The following PTK2 variants were observed in gnomAD, a reference collection of about 807,000 sequenced individuals.
The protein encoded by PTK2 is focal adhesion kinase 1.
A neutral mutation model predicts 150.1 loss-of-function variants in PTK2; 45 were observed. The observed-to-expected ratio is 0.30, with a 90% CI of 0.24 to 0.38. The LOEUF (loss-of-function observed/expected upper bound fraction) is 0.38, where lower values mean the gene tolerates loss of function less well. PTK2 is among the 10% of genes least tolerant of loss of function. The pLI, the probability that PTK2 is intolerant of heterozygous loss-of-function variation, is 1.00. For synonymous variants in PTK2, 432 were observed against 449.2 expected (o/e 0.96, Z 0.48); for missense variants, 919 against 1,307.3 (o/e 0.70, Z 4.58).
In PTK2 at chr8:140,746,851, C is replaced by T. The variant is rs182075508; in HGVS notation, c.1427G>A (p.Arg476His). The change falls in exon 18 of 32, where the codon CGT becomes CAT. Residue 476 changes from arginine (R) to histidine (H), a missense_variant. By Grantham distance (29) the Arg-to-His change is conservative. Around this residue, in one of 3 missense-constraint regions of PTK2, gnomAD observed 555 missense variants for 880.1 expected, o/e 0.63. Coordinates refer to ENST00000522684, the Ensembl canonical transcript of PTK2. Reference sequence around the variant, plus strand: ...CACAATATGAGGATGGTCAAACTGACGCATTGTTACTAGGAAAAAAGTTCT... The same window carrying T: ...CACAATATGAGGATGGTCAAACTGATGCATTGTTACTAGGAAAAAAGTTCT... 6.5e-5 allele frequency: 104 copies of T among 1,601,018 alleles called. No homozygotes were observed. The East Asian group carries it at 9.8e-4, about 15-fold the overall frequency.
At chr8:140,689,275 C>T (rs1235640921) in intron 26 of PTK2, among the ~76,000 whole-genome samples, 1 of 152,110 alleles carries the variant, frequency 6.6e-6, no homozygotes, top group Admixed American at 6.6e-5. Context: ...CCCAGATATG[C>T]TTAAGAAAAA....
intron 16 of PTK2, among the ~76,000 whole-genome samples, chr8:140,760,561 C>T (rs1293713820): frequency 6.6e-6 from 1 of 152,008 alleles, no homozygotes; most frequent in Admixed American, 6.6e-5. Flanking sequence ...TGAGTGGCTG[C>T]CAAAGGCTGG....
At chr8:140,955,294 TAGCAAATA>T (rs1448231484) in intron 1 of PTK2, among the ~76,000 whole-genome samples, 1 of 152,188 alleles carries the variant, frequency 6.6e-6, no homozygotes, top group Non-Finnish European at 1.5e-5. Flanking sequence ...CTTCTCATGA[TAGCAAATA>T]AGTCTCACAA....
intron 1 of PTK2, among the ~76,000 whole-genome samples, chr8:140,962,647 C>T (rs1352895094): frequency 2.6e-5 from 4 of 151,908 alleles, no homozygotes; most frequent in Admixed American, 1.3e-4. Flanking sequence ...AAAAATTAGC[C>T]GGGCGTGGTG....
intron 14 of PTK2, among the ~76,000 whole-genome samples, chr8:140,772,186 A>G (rs1197695992): frequency 6.6e-6 from 1 of 152,224 alleles, no homozygotes; most frequent in East Asian, 1.9e-4. Flanking sequence ...TGATGGCCCT[A>G]GAGGAAAGCA....
intron 1 of PTK2, among the ~76,000 whole-genome samples, chr8:140,966,639 A>G (rs9324538): frequency 0.42 from 63,498 of 152,084 alleles, 15,174 homozygotes; most frequent in Non-Finnish European, 0.55. Flanking sequence ...TCAAATTATA[A>G]AATTAAAAGT....
exon 27 of PTK2, chr8:140,686,646 T>C (rs768237414): frequency 1.2e-6 from 2 of 1,613,964 alleles, no homozygotes; most frequent in Non-Finnish European, 1.7e-6. Context: ...CCCTGAAGAC[T>C]TCCATCCTCC....
chr8:140,820,076 G>GT lies in PTK2; in HGVS notation c.649-1057dup, dbSNP rs370537018. Among the ~76,000 whole-genome samples, 91 of 50,242 alleles carry GT rather than the reference G, an allele frequency of 1.8e-3. 13 individuals carry two copies. The highest frequency in any genetic ancestry group is 3.0e-3 in the South Asian group (4 of 1,318). The allele number at this position is 50,242 out of a possible 152,430, so 33.0% of individuals were successfully genotyped here. On this transcript the variant is annotated intron_variant, in intron 8 of 31. Coordinates refer to ENST00000522684, the Ensembl canonical transcript of PTK2. The stretch of plus-strand genomic sequence containing the variant: ...AGAGGAGTGACTTTATCTGACTTTG[G>GT]TTTTTTTTTTTTTTTTTTTTTTTTT...
chr8:140,752,574 G>A (rs1289279106), intron 16 of PTK2, among the ~76,000 whole-genome samples: 1 of 152,210 alleles, frequency 6.6e-6, no homozygotes, highest in Non-Finnish European at 1.5e-5. Context: ...TACACCATGT[G>A]GCTGGTACTA....
At chr8:140,801,751 A>G (rs917653359) in intron 11 of PTK2, among the ~76,000 whole-genome samples, 1 of 152,196 alleles carries the variant, frequency 6.6e-6, no homozygotes, top group African/African-American at 2.4e-5. Flanking sequence ...CATGGACAAC[A>G]CAGTGTGGAA....
chr8:140,785,446 G>C (rs1487133997), intron 14 of PTK2, among the ~76,000 whole-genome samples: 1 of 152,206 alleles, frequency 6.6e-6, no homozygotes, highest in Non-Finnish European at 1.5e-5. Context: ...CTATGCATAA[G>C]AGAGAAATGT....
chr8:140,919,327 C>A (rs1164048708), intron 2 of PTK2, among the ~76,000 whole-genome samples: 1 of 152,206 alleles, frequency 6.6e-6, no homozygotes, highest in African/African-American at 2.4e-5. Flanking sequence ...TGACAGCCAG[C>A]AAACTTAATT....
chr8:140,691,830 G>C (rs7823177), intron 26 of PTK2, among the ~76,000 whole-genome samples: 5,093 of 152,274 alleles, frequency 0.033, 270 homozygotes, highest in African/African-American at 0.12. Context: ...CTGAAGGAAT[G>C]CTTCAATTAA....
intron 3 of PTK2, among the ~76,000 whole-genome samples, chr8:140,881,525 T>C (rs553954709): frequency 1.3e-5 from 2 of 152,340 alleles, no homozygotes; most frequent in South Asian, 2.1e-4. Context: ...CACAGCTCAC[T>C]GCTACTACCA....
chr8:140,914,890 G>A (rs557062427), intron 2 of PTK2, among the ~76,000 whole-genome samples: 1 of 151,686 alleles, frequency 6.6e-6, no homozygotes, highest in Non-Finnish European at 1.5e-5. Context: ...AAAATTAGCC[G>A]GGCATAGTGG....
intron 23 of PTK2, among the ~76,000 whole-genome samples, chr8:140,714,973 A>G (rs1337366110): frequency 4.0e-5 from 6 of 151,824 alleles, no homozygotes; most frequent in African/African-American, 1.5e-4. Context: ...GACGTGCTAA[A>G]TACTGTGACC....
intron 19 of PTK2, 70 bp downstream of exon 22, chr8:140,744,582 C>G (rs2100057616): frequency 2.0e-6 from 2 of 1,005,450 alleles, no homozygotes; most frequent in Non-Finnish European, 1.5e-6. Flanking sequence ...AAAGACGGTC[C>G]AAATGGGTCC....
At chr8:140,815,444 G>A (rs1004140481) in intron 10 of PTK2, among the ~76,000 whole-genome samples, 1 of 152,062 alleles carries the variant, frequency 6.6e-6, no homozygotes, top group Non-Finnish European at 1.5e-5. Flanking sequence ...GGAGGGGATT[G>A]GGAAAAATAA....
intron 1 of PTK2, among the ~76,000 whole-genome samples, chr8:140,977,754 A>G (rs2100189822): frequency 6.6e-6 from 1 of 152,204 alleles, no homozygotes; most frequent in African/African-American, 2.4e-5. Flanking sequence ...ATCAAAACTT[A>G]GCCCTTGGAT....
Sources: gnomAD v4.1 joint callset for allele counts (sites outside exome capture counted in the v4.1 genomes callset) on GRCh38, gnomAD v4.1.1 for gene constraint, gnomAD v4.1.1 regional missense constraint, MANE v1.5 for transcripts, NCBI Gene and HGNC (gene_info 2026-07-23, HGNC 2026-07-21) for gene names.